The following LSAMP variants were observed in gnomAD, a reference collection of about 807,000 sequenced individuals.
LSAMP encodes limbic system associated membrane protein, also known as limbic system-associated membrane protein.
In LSAMP, 7 loss-of-function variants were observed where a neutral mutation model predicts 38.6. The ratio of observed to expected loss-of-function variants is 0.18; its 90% CI spans 0.10 to 0.34. The LOEUF (loss-of-function observed/expected upper bound fraction) is 0.34. LSAMP is among the 10% of genes least tolerant of loss of function. LSAMP has a pLI of 1.00. For missense variants in LSAMP, 313 were observed against 420.0 expected, an observed-to-expected ratio of 0.75 and a Z score of 2.23; for synonymous variants, 154 against 166.8, an observed-to-expected ratio of 0.92 and a Z score of 0.59.
intron 1 of LSAMP, among the ~76,000 whole-genome samples, chr3:116,380,276 T>C (rs1423570261): frequency 2.0e-5 from 3 of 152,110 alleles, no homozygotes; most frequent in Non-Finnish European, 1.5e-5. Context: ...TTAATATTAC[T>C]ATTAGTTATA....
In LSAMP at chr3:115,976,049, A is replaced by G. The variant is rs557198769; in HGVS notation, c.514+43466T>C. 3.5e-3 allele frequency among the ~76,000 whole-genome samples: 537 copies of G among 152,038 alleles called. 1 individual carries two copies. The highest frequency in any genetic ancestry group is 5.7e-3 in the Non-Finnish European group (388 of 67,968). Reference sequence around the variant, plus strand: ...TTCACCATGCTTAATACCCTTCTCCATTTTCTTTGACACCACTCCAGGAGG... The same window carrying G: ...TTCACCATGCTTAATACCCTTCTCCGTTTTCTTTGACACCACTCCAGGAGG... On this transcript the variant is annotated intron_variant, in intron 3 of 6. Transcript: ENST00000490035.
intron 1 of LSAMP, among the ~76,000 whole-genome samples, chr3:116,116,411 C>T (rs1708746372): frequency 6.6e-6 from 1 of 150,914 alleles, no homozygotes; most frequent in Non-Finnish European, 1.5e-5. Flanking sequence ...AAATGAGTAA[C>T]AAAGGCTGGG....
Position 116,057,955 on chromosome 3 carries a change from A to C in LSAMP, c.388+28369T>G, listed in dbSNP as rs199685106. Among the ~76,000 whole-genome samples the C allele has an allele frequency of 1.5e-3, 159 of 106,714 alleles. 1 individual carries two copies. In the East Asian group the frequency reaches 0.02, roughly 13 times the overall value. The allele number at this position is 106,714 out of a possible 152,430, so 70.0% of individuals were successfully genotyped here. On this transcript the variant is annotated intron_variant, in intron 2 of 6. Coordinates refer to ENST00000490035, the MANE Select transcript of LSAMP (RefSeq NM_002338.5). ...GCTACACACACACACACACACACAC[A>C]CCCACACACACACACACACACACAC...
At chr3:116,141,994 G>C (rs1315035147) in intron 1 of LSAMP, among the ~76,000 whole-genome samples, 1 of 151,924 alleles carries the variant, frequency 6.6e-6, no homozygotes, top group Non-Finnish European at 1.5e-5. Context: ...AGGGGATCTG[G>C]GCAGTGCACT....
rs1161400426 is a variant in LSAMP at position 115,806,402 on chromosome 3, A to G, written c.*3915T>C. On this transcript the variant is annotated 3_prime_UTR_variant, in exon 7 of 7. Transcript: ENST00000490035. ...GAACAAAATGAAAAATTCAGGGAGA[A>G]TAGCCAATAGAAACAGTGAAACCAC... is the stretch of plus-strand genomic sequence containing the variant. The G allele has an allele frequency of 1.3e-5, 2 of 152,212 alleles. No individual in the cohort carries two copies. The highest frequency in any genetic ancestry group is 2.9e-5 in the Non-Finnish European group (2 of 68,032). The allele number at this position is 152,212 out of a possible 1,614,324, so 9.4% of individuals were successfully genotyped here.
chr3:116,423,787 G>A (rs559672368), intron 1 of LSAMP, among the ~76,000 whole-genome samples: 1 of 152,104 alleles, frequency 6.6e-6, no homozygotes, highest in Non-Finnish European at 1.5e-5. Flanking sequence ...TTCTCACTGC[G>A]TTTTCCTCCT....
intron 1 of LSAMP, among the ~76,000 whole-genome samples, chr3:116,253,712 A>C (rs1239851327): frequency 6.6e-6 from 1 of 152,206 alleles, no homozygotes; most frequent in Non-Finnish European, 1.5e-5. Flanking sequence ...TGAACCCAGA[A>C]GTTTTAAAGC....
At chr3:116,073,607 TCTC>T (rs1386898802) in intron 2 of LSAMP, among the ~76,000 whole-genome samples, 8 of 152,188 alleles carry the variant, frequency 5.3e-5, no homozygotes, top group African/African-American at 1.9e-4. Context: ...GTTTTGTAGT[TCTC>T]CTTGAAGAGG....
At chr3:116,007,603 A>G (rs1035416965) in intron 3 of LSAMP, among the ~76,000 whole-genome samples, 2 of 152,182 alleles carry the variant, frequency 1.3e-5, no homozygotes, top group African/African-American at 4.8e-5. Flanking sequence ...CTTCATCTAA[A>G]GTGACAGAAA....
At chr3:116,326,412 A>C (rs2047773645) in intron 1 of LSAMP, among the ~76,000 whole-genome samples, 1 of 152,140 alleles carries the variant, frequency 6.6e-6, no homozygotes, top group Admixed American at 6.6e-5. Context: ...GGCTGAACAC[A>C]ACCATCCTCT....
chr3:116,197,206 A>G (rs559558947), intron 1 of LSAMP, among the ~76,000 whole-genome samples: 1 of 150,018 alleles, frequency 6.7e-6, no homozygotes, highest in South Asian at 2.1e-4. Context: ...TCTGTCACCC[A>G]CTCCCTGTTG....
chr3:115,869,705 G>A (rs959416793), intron 3 of LSAMP, among the ~76,000 whole-genome samples: 3 of 151,986 alleles, frequency 2.0e-5, no homozygotes, highest in Non-Finnish European at 2.9e-5. Flanking sequence ...ATTTTCAAGA[G>A]TCTTTACCTC....
intron 1 of LSAMP, among the ~76,000 whole-genome samples, chr3:116,220,271 G>A (rs1267762544): frequency 7.0e-6 from 1 of 142,126 alleles, no homozygotes; most frequent in Non-Finnish European, 1.5e-5. Context: ...AGAAGATAAG[G>A]GTTGGTGAGG....
chr3:116,174,607 G>T (rs1283235749), intron 1 of LSAMP, among the ~76,000 whole-genome samples: 1 of 151,824 alleles, frequency 6.6e-6, no homozygotes, highest in Admixed American at 6.6e-5. Context: ...TTTTATATTT[G>T]TCCCTTCTCC....
At chr3:116,124,262 T>C (rs1708955895) in intron 1 of LSAMP, among the ~76,000 whole-genome samples, 1 of 152,202 alleles carries the variant, frequency 6.6e-6, no homozygotes, top group Non-Finnish European at 1.5e-5. Context: ...TTGCCTAGTT[T>C]GAATAGAAGA....
intron 1 of LSAMP, among the ~76,000 whole-genome samples, chr3:116,258,118 T>G (rs80135807): frequency 0.014 from 2,188 of 152,230 alleles, 53 homozygotes; most frequent in African/African-American, 0.049. Context: ...TTCTTGTTCT[T>G]TATCTCATTC....
chr3:116,036,947 C>T (rs1216501515), intron 2 of LSAMP, among the ~76,000 whole-genome samples: 1 of 152,108 alleles, frequency 6.6e-6, no homozygotes, highest in East Asian at 1.9e-4. Flanking sequence ...ATATTTTTGG[C>T]TTTCTCTCTG....
chr3:115,814,957 G>A lies in LSAMP; in HGVS notation c.920-4543C>T, dbSNP rs1194844572. Among the ~76,000 whole-genome samples, 4 of 152,268 alleles carry A rather than the reference G, an allele frequency of 2.6e-5. No homozygotes were observed. The East Asian group carries it at 7.7e-4, about 29-fold the overall frequency. ...ATTTAGAAGGAAGCCTGATAAAATTGACTTTGGCGCCACCTGCTGTCCATT... is the reference window on the plus strand; with the variant it reads ...ATTTAGAAGGAAGCCTGATAAAATTAACTTTGGCGCCACCTGCTGTCCATT... On this transcript the variant is annotated intron_variant, in intron 6 of 6. Transcript: ENST00000490035.
At chr3:116,309,585 A>G (rs921454738) in intron 1 of LSAMP, among the ~76,000 whole-genome samples, 1 of 152,144 alleles carries the variant, frequency 6.6e-6, no homozygotes, top group Non-Finnish European at 1.5e-5. Flanking sequence ...TTTCACATGC[A>G]ATCTAAATAT....
Sources: gnomAD v4.1 joint callset for allele counts (sites outside exome capture counted in the v4.1 genomes callset) on GRCh38, gnomAD v4.1.1 for gene constraint, MANE v1.5 for transcripts, NCBI Gene and HGNC (gene_info 2026-07-23, HGNC 2026-07-21) for gene names.